The following SLC38A1 variants were observed in gnomAD, a reference collection of about 807,000 sequenced individuals.
SLC38A1 encodes sodium-coupled neutral amino acid symporter 1.
Under a neutral mutation model 60.3 loss-of-function variants are expected in SLC38A1, and 18 were observed. The observed-to-expected ratio is 0.30, with a 90% CI of 0.21 to 0.44. The LOEUF is 0.44. Ranked by LOEUF, SLC38A1 falls within the 20% of genes least tolerant of loss-of-function variation. The pLI, the probability that SLC38A1 is intolerant of heterozygous loss-of-function variation, is 1.00. For synonymous variants in SLC38A1, 196 were observed against 212.1 expected, an observed-to-expected ratio of 0.92 and a Z score of 0.66; for missense variants, 448 against 587.2, an observed-to-expected ratio of 0.76 and a Z score of 2.45.
At position 46,241,002 on chromosome 12, in the gene SLC38A1, G is replaced by A. The variant is rs114202285; in HGVS notation, c.-93-1109C>T. ...GGCTTGTCTATGGCCATGCCACCCTGAATGTGCCCAATCTTGTCTAAAAAG... is the reference window on the plus strand; with the variant it reads ...GGCTTGTCTATGGCCATGCCACCCTAAATGTGCCCAATCTTGTCTAAAAAG... On this transcript the variant is annotated intron_variant, in intron 2 of 16. Transcript: ENST00000398637. Among the ~76,000 whole-genome samples the A allele has an allele frequency of 2.4e-3, 366 of 152,240 alleles. 3 individuals carry two copies. The highest frequency in any genetic ancestry group is 8.6e-3 in the African/African-American group (356 of 41,524).
At chr12:46,219,949 GCGCACA>G (rs1940587999) in intron 5 of SLC38A1, among the ~76,000 whole-genome samples, 1 of 152,124 alleles carries the variant, frequency 6.6e-6, no homozygotes, top group Non-Finnish European at 1.5e-5. Context: ...GCGCATGTGC[GCGCACA>G]CACACACGCA....
chr12:46,243,606 T>C (rs903880364), intron 1 of SLC38A1, among the ~76,000 whole-genome samples: 6 of 152,062 alleles, frequency 3.9e-5, no homozygotes, highest in Non-Finnish European at 7.3e-5. Context: ...AGGGAGAACA[T>C]GGTCAATGGC....
rs371675671 is a variant in SLC38A1, at chr12:46,193,759, C to CT, written c.1362+3960dup. ...TCAGAGACTAGGATGGCAAGTCCTG[C>CT]TTTTTTTTTTGCTTTCCATTTGCTT... On this transcript the variant is annotated intron_variant, in intron 16 of 16. Coordinates refer to ENST00000398637, the MANE Select transcript of SLC38A1 (RefSeq NM_030674.4). Among the ~76,000 whole-genome samples the CT allele has an allele frequency of 8.3e-3, 1,224 of 147,204 alleles. 7 individuals are homozygous for CT. The highest frequency in any genetic ancestry group is 0.025 in the African/African-American group (1,007 of 40,326).
rs1382994630 is a variant in SLC38A1 at position 46,204,639 on chromosome 12, A to G, written c.647-49T>C. On this transcript the variant is annotated intron_variant, in intron 9 of 16. Transcript: ENST00000398637. ...ATTATTTCATTTTTTTCCATTTTTA[A>G]AAATTTTGGAGCTACCCATCATAAA... is the stretch of plus-strand genomic sequence containing the variant. The G allele has an allele frequency of 4.1e-6, 6 of 1,462,390 alleles. No individual in the cohort carries two copies. The Admixed American group carries it at 7.9e-5, about 19-fold the overall frequency. 90.6% of individuals were successfully genotyped at this position (1,462,390 alleles called of 1,614,324 possible). A position where few individuals can be genotyped will look rare whatever the true frequency, so the allele number is the denominator to read the frequency against.
intron 1 of SLC38A1, among the ~76,000 whole-genome samples, chr12:46,264,328 A>T (rs1450345969): frequency 6.6e-6 from 1 of 152,214 alleles, no homozygotes; most frequent in African/African-American, 2.4e-5. Flanking sequence ...TGAGGCATAA[A>T]AATGTGAAAT....
intron 16 of SLC38A1, chr12:46,196,243 A>G (rs1487683033): frequency 2.6e-6 from 4 of 1,536,094 alleles, no homozygotes; most frequent in Admixed American, 3.9e-5. Context: ...GAGAGCCAAC[A>G]GGGCTGGACT....
At chr12:46,228,632 TTA>T (rs1249907038) in intron 5 of SLC38A1, among the ~76,000 whole-genome samples, 3 of 152,300 alleles carry the variant, frequency 2.0e-5, no homozygotes, top group Middle Eastern at 3.4e-3. Context: ...ATAAAGTTAT[TTA>T]AAAAGAAAAT....
chr12:46,255,978 A>C (rs894035451), intron 1 of SLC38A1, among the ~76,000 whole-genome samples: 3 of 152,100 alleles, frequency 2.0e-5, no homozygotes, highest in Non-Finnish European at 2.9e-5. Context: ...CCTGGCTAAC[A>C]TGGTGAAAGA....
chr12:46,264,803 T>G lies in SLC38A1; in HGVS notation c.-209+3723A>C, dbSNP rs1037246637. Among the ~76,000 whole-genome samples the G allele has an allele frequency of 3.3e-5, 5 of 152,254 alleles. No individual in the cohort carries two copies. In the South Asian group the frequency reaches 1.0e-3, roughly 32 times the overall value. On this transcript the variant is annotated intron_variant, in intron 1 of 16. Transcript: ENST00000398637. ...TGGCTTCTGAGTCTCCACAGTCCAT[T>G]ATATTACTCTGTGTGCCTTTGCATA...
intron 1 of SLC38A1, among the ~76,000 whole-genome samples, chr12:46,265,337 G>A (rs895361989): frequency 3.3e-5 from 5 of 152,188 alleles, no homozygotes; most frequent in Non-Finnish European, 5.9e-5. Flanking sequence ...AGTAACAACA[G>A]TCCAAAATGT....
chr12:46,263,520 G>C (rs1414996556), intron 1 of SLC38A1, among the ~76,000 whole-genome samples: 1 of 152,054 alleles, frequency 6.6e-6, no homozygotes, highest in Non-Finnish European at 1.5e-5. Flanking sequence ...GCTTAATTTG[G>C]CTCTCTAGCC....
At chr12:46,234,733 A>G (rs1941201668) in intron 3 of SLC38A1, among the ~76,000 whole-genome samples, 1 of 152,318 alleles carries the variant, frequency 6.6e-6, no homozygotes, top group Admixed American at 6.5e-5. Context: ...ATTTCTATAC[A>G]TTTAAAAAAT....
chr12:46,202,994 TAAAC>T lies in SLC38A1; in HGVS notation c.902+12_902+15del. ...ATGTAAAACGATTAAGATAAAAAAT[TAAAC>T]AAATTTCTTACTCTTTAAGCTCACT... is the stretch of plus-strand genomic sequence containing the variant. On this transcript the variant is annotated intron_variant, in intron 12 of 16. Transcript: ENST00000398637. The T allele has an allele frequency of 2.5e-6, 4 of 1,602,654 alleles. No homozygotes were observed. The South Asian group carries it at 3.3e-5, about 13-fold the overall frequency.
chr12:46,247,724 A>T (rs1416070212), intron 1 of SLC38A1, among the ~76,000 whole-genome samples: 1 of 152,224 alleles, frequency 6.6e-6, no homozygotes, highest in Non-Finnish European at 1.5e-5. Flanking sequence ...ACTCCAAGAC[A>T]CATAATTGTC....
chr12:46,196,334 T>G (rs1939378299), intron 16 of SLC38A1: 2 of 1,529,042 alleles, frequency 1.3e-6, no homozygotes. Context: ...CATACCATCC[T>G]GGGTCCAGTC....
chr12:46,200,420 C>CAT (rs1330102713), intron 13 of SLC38A1, among the ~76,000 whole-genome samples: 1 of 151,350 alleles, frequency 6.6e-6, no homozygotes, highest in Non-Finnish European at 1.5e-5. Context: ...TATAGACACA[C>CAT]ATATATATAC....
intron 16 of SLC38A1, among the ~76,000 whole-genome samples, chr12:46,194,523 G>A (rs1238838207): frequency 1.3e-5 from 2 of 152,210 alleles, no homozygotes; most frequent in Non-Finnish European, 2.9e-5. Context: ...ATCCTGAAGA[G>A]TGTTTTCTAA....
chr12:46,197,308 T>A (rs1939424209), intron 16 of SLC38A1: 1 of 169,234 alleles, frequency 5.9e-6, no homozygotes, highest in South Asian at 1.5e-4. Flanking sequence ...GCTAACATGG[T>A]GAAACCCCGT....
At chr12:46,267,139 A>G (rs1942376569) in intron 1 of SLC38A1, 1 of 152,190 alleles carries the variant, frequency 6.6e-6, no homozygotes, top group African/African-American at 2.4e-5. Context: ...CAAACCATAA[A>G]TTTATTTTCC....
Sources: allele counts gnomAD v4.1 joint callset (sites outside exome capture counted in the v4.1 genomes callset), GRCh38; gene constraint gnomAD v4.1.1; transcripts MANE v1.5; gene names NCBI Gene and HGNC (gene_info 2026-07-23, HGNC 2026-07-21).